EPHA6: variants seen among roughly 807,000 people sequenced by gnomAD.
EPHA6 encodes EPH receptor A6.
A neutral mutation model predicts 112.0 loss-of-function variants in EPHA6; 50 were observed. That is an observed-to-expected ratio of 0.45 (90% CI 0.36 to 0.56). The LOEUF (loss-of-function observed/expected upper bound fraction) is 0.56, where lower values mean the gene tolerates loss of function less well. EPHA6 is among the 20% of genes least tolerant of loss of function. EPHA6 has a pLI of 0.00. For synonymous variants in EPHA6, 529 were observed against 490.7 expected (o/e 1.08, Z -1.03); for missense variants, 1,280 against 1,417.4 (o/e 0.90, Z 1.56).
chr3:97,738,798 T>C (rs2035380076), intron 16 of EPHA6, among the ~76,000 whole-genome samples: 2 of 152,238 alleles, frequency 1.3e-5, no homozygotes, highest in South Asian at 2.1e-4. Context: ...GTGACTGATT[T>C]GCTATCCTCA....
chr3:96,954,559 T>C lies in EPHA6; in HGVS notation c.451-32771T>C, dbSNP rs1053966363. Among the ~76,000 whole-genome samples, 8 of 152,260 alleles carry C rather than the reference T, an allele frequency of 5.3e-5. No individual in the cohort carries two copies. In the South Asian group the frequency reaches 6.2e-4, roughly 12 times the overall value. On this transcript the variant is annotated intron_variant, in intron 2 of 17. Coordinates refer to ENST00000389672, the MANE Select transcript of EPHA6 (RefSeq NM_001080448.3). The stretch of plus-strand genomic sequence containing the variant: ...ACCTCAGTCAGGTTTCAAATATCAC[T>C]ACACAGGGAGAAGTGCTTCCTGATT...
At chr3:97,713,741 AAG>A in intron 14 of EPHA6, among the ~76,000 whole-genome samples, 1 of 152,298 alleles carries the variant, frequency 6.6e-6, no homozygotes, top group African/African-American at 2.4e-5. Flanking sequence ...TGACCTCAGA[AAG>A]AGAATAGAAA....
chr3:97,479,690 T>G (rs2091474442), intron 9 of EPHA6, among the ~76,000 whole-genome samples: 1 of 152,190 alleles, frequency 6.6e-6, no homozygotes, highest in Non-Finnish European at 1.5e-5. Flanking sequence ...TAGTGGAACA[T>G]TAGACATAGA....
chr3:96,855,800 A>C (rs2035661642), intron 1 of EPHA6, among the ~76,000 whole-genome samples: 1 of 152,186 alleles, frequency 6.6e-6, no homozygotes, highest in Non-Finnish European at 1.5e-5. Flanking sequence ...TAGAATAAAA[A>C]TATTAAGATA....
intron 3 of EPHA6, chr3:96,994,337 T>C (rs2043324150): frequency 4.2e-6 from 1 of 238,356 alleles, no homozygotes; most frequent in East Asian, 6.2e-5. Flanking sequence ...ATATTGGACA[T>C]GTTGATGTTA....
At chr3:97,206,976 T>A (rs921122616) in intron 3 of EPHA6, among the ~76,000 whole-genome samples, 2 of 152,104 alleles carry the variant, frequency 1.3e-5, no homozygotes, top group Non-Finnish European at 2.9e-5. Flanking sequence ...AAATATGTAG[T>A]CAAACATGAG....
At chr3:97,150,049 T>C (rs1470862519) in intron 3 of EPHA6, among the ~76,000 whole-genome samples, 1 of 151,994 alleles carries the variant, frequency 6.6e-6, no homozygotes, top group Non-Finnish European at 1.5e-5. Context: ...GAAGTCAACA[T>C]TTCCTTCCTA....
chr3:96,888,233 C>T (rs773720061), intron 2 of EPHA6, among the ~76,000 whole-genome samples: 39 of 152,262 alleles, frequency 2.6e-4, no homozygotes, highest in Non-Finnish European at 4.4e-4. Context: ...GCCTGCTTGG[C>T]GACCCAGCGA....
At chr3:97,451,385 T>A (rs888983240) in intron 7 of EPHA6, among the ~76,000 whole-genome samples, 2 of 151,858 alleles carry the variant, frequency 1.3e-5, no homozygotes. Context: ...TAGAACTATC[T>A]GACAATGGCA....
intron 2 of EPHA6, among the ~76,000 whole-genome samples, chr3:96,971,667 G>A (rs981142714): frequency 6.6e-6 from 1 of 152,080 alleles, no homozygotes; most frequent in Non-Finnish European, 1.5e-5. Context: ...CAGAATATTA[G>A]ATACGTATGT....
intron 11 of EPHA6, among the ~76,000 whole-genome samples, chr3:97,588,668 A>C (rs929993419): frequency 6.6e-6 from 1 of 152,256 alleles, no homozygotes; most frequent in Non-Finnish European, 1.5e-5. Flanking sequence ...AGACTGCTAA[A>C]TAATAGCAAT....
intron 9 of EPHA6, 80 bp downstream of exon 9, chr3:97,479,444 G>T: frequency 1.1e-6 from 1 of 905,050 alleles, no homozygotes; most frequent in Non-Finnish European, 1.6e-6. Flanking sequence ...TATCTATTGA[G>T]TTGAGAAAAA....
intron 3 of EPHA6, among the ~76,000 whole-genome samples, chr3:97,093,866 G>A (rs1324318556): frequency 6.6e-6 from 1 of 152,074 alleles, no homozygotes; most frequent in Non-Finnish European, 1.5e-5. Context: ...CACGGGAGTA[G>A]TAAGACCAAA....
chr3:96,994,369 T>A (rs1457145209), intron 3 of EPHA6: 2 of 221,062 alleles, frequency 9.0e-6, no homozygotes, highest in African/African-American at 4.5e-5. Context: ...TTGTTTTAAT[T>A]TATTCTACTT....
intron 3 of EPHA6, among the ~76,000 whole-genome samples, chr3:97,184,330 T>G (rs1400541013): frequency 6.6e-6 from 1 of 152,096 alleles, no homozygotes; most frequent in Non-Finnish European, 1.5e-5. Flanking sequence ...CCCTAGATGC[T>G]CCCTAGCCAT....
intron 2 of EPHA6, among the ~76,000 whole-genome samples, chr3:96,968,357 A>G (rs1010696428): frequency 6.6e-6 from 1 of 150,892 alleles, no homozygotes; most frequent in Non-Finnish European, 1.5e-5. Flanking sequence ...TTGGATTTAA[A>G]TTGTAAACTA....
At chr3:97,229,882 A>T (rs1016147961) in intron 4 of EPHA6, among the ~76,000 whole-genome samples, 1 of 151,916 alleles carries the variant, frequency 6.6e-6, no homozygotes, top group East Asian at 1.9e-4. Flanking sequence ...CTACTTAGGT[A>T]TTTTTTTTCC....
intron 2 of EPHA6, among the ~76,000 whole-genome samples, chr3:96,914,335 CAT>C (rs1210347009): frequency 2.0e-5 from 3 of 151,980 alleles, no homozygotes; most frequent in African/African-American, 7.2e-5. Flanking sequence ...AGTTTTAAGT[CAT>C]GTAAAAATAT....
At chr3:96,880,493 A>G (rs774770090) in intron 2 of EPHA6, among the ~76,000 whole-genome samples, 7 of 152,188 alleles carry the variant, frequency 4.6e-5, no homozygotes, top group Non-Finnish European at 7.3e-5. Context: ...ATGTAATGAA[A>G]GGAAACACCT....
Sources: allele counts gnomAD v4.1 joint callset (sites outside exome capture counted in the v4.1 genomes callset), GRCh38; gene constraint gnomAD v4.1.1; transcripts MANE v1.5; gene names NCBI Gene and HGNC (gene_info 2026-07-23, HGNC 2026-07-21).